VPS13A: variants seen among roughly 807,000 people sequenced by gnomAD.
VPS13A encodes vacuolar protein sorting 13 homolog A, also known as intermembrane lipid transfer protein VPS13A.
A neutral mutation model predicts 390.9 loss-of-function variants in VPS13A; 264 were observed. The ratio of observed to expected loss-of-function variants is 0.68; its 90% CI spans 0.61 to 0.75. The LOEUF is 0.75. Among genes scored for constraint, VPS13A ranks in the 30% least tolerant of loss-of-function variants. VPS13A has a pLI of 0.00. For synonymous variants in VPS13A, 1,231 were observed against 1,227.1 expected, an observed-to-expected ratio of 1.00 and a Z score of -0.07; for missense variants, 3,409 against 3,733.9, an observed-to-expected ratio of 0.91 and a Z score of 2.27.
At chr9:77,281,345 T>C (rs1827014562) in intron 27 of VPS13A, among the ~76,000 whole-genome samples, 1 of 152,174 alleles carries the variant, frequency 6.6e-6, no homozygotes, top group African/African-American at 2.4e-5. Context: ...ATATGTTAGT[T>C]AGCTTAATTT....
At position 77,314,056 on chromosome 9, in the gene VPS13A, A is replaced by T; in HGVS notation, c.4179A>T (p.Thr1393=). Residue 1393 remains threonine, a synonymous_variant, in exon 36 of 72, where the codon ACA becomes ACT. Coordinates refer to ENST00000360280, the MANE Select transcript of VPS13A (RefSeq NM_033305.3). The part of the protein sequence containing the change: ...VHSRALLVKT[T]LNISFKTDDL... ...CACGTGCCTTACTAGTTAAGACAAC[A>T]CTAAACATAAGCTTCAAAACTGATG... 6.2e-7 allele frequency: 1 copy of T among 1,613,474 alleles called. No individual in the cohort carries two copies. Among genetic ancestry groups the T allele is most frequent in the Non-Finnish European group, 8.5e-7 (1 of 1,179,618 alleles).
At chr9:77,183,674 A>G (rs774602515) in intron 1 of VPS13A, among the ~76,000 whole-genome samples, 2 of 152,220 alleles carry the variant, frequency 1.3e-5, no homozygotes, top group East Asian at 1.9e-4. Flanking sequence ...CAGTTTGGCA[A>G]TTTCTTAAAA....
intron 17 of VPS13A, 31 bp from the exon 18 acceptor site, chr9:77,237,971 C>A: frequency 6.7e-7 from 1 of 1,497,734 alleles, no homozygotes; most frequent in African/African-American, 1.4e-5. Context: ...TTTTACTGAT[C>A]GCTGACTTTT....
At chr9:77,230,182 A>T (rs1278106705) in intron 17 of VPS13A, among the ~76,000 whole-genome samples, 4 of 151,348 alleles carry the variant, frequency 2.6e-5, no homozygotes, top group African/African-American at 7.4e-5. Context: ...CTCTTATTAG[A>T]TAAACAATTT....
intron 1 of VPS13A, among the ~76,000 whole-genome samples, chr9:77,183,375 T>G (rs959874883): frequency 1.3e-5 from 2 of 152,194 alleles, no homozygotes; most frequent in Non-Finnish European, 2.9e-5. Context: ...CTTCTAACCC[T>G]CCTTGTCCCT....
chr9:77,370,927 C>T lies in VPS13A; in HGVS notation c.8945C>T (p.Pro2982Leu), dbSNP rs1159459647. 4 of 1,613,742 alleles carry T rather than the reference C, an allele frequency of 2.5e-6. No individual in the cohort carries two copies. The African/African-American group carries it at 5.3e-5, about 22-fold the overall frequency. ...GGCATAACAGGAATTGTTACAAAAC[C>T]AATCAAAGGCAAGTATAGTAGTTCC... ...VSGITGIVTK[P>L]IKGAQKGGAA... is the part of the protein sequence containing the mutation. Residue 2982 changes from proline to leucine, a missense_variant, in exon 66 of 72, where the codon CCA (proline) becomes CTA (leucine). By Grantham distance (98) the Pro-to-Leu change is moderately conservative (BLOSUM62 -3). This residue lies in a region of VPS13A where 318 missense variants were observed against 333.7 expected (regional missense o/e 0.95). Coordinates refer to ENST00000360280, the MANE Select transcript of VPS13A (RefSeq NM_033305.3).
chr9:77,247,257 A>G lies in VPS13A; in HGVS notation c.1901-2A>G. ...TCATAGAAAAGATTTACATTTTTCC[A>G]GGTCTACTGTATATTATTGAAACAC... On this transcript the variant is annotated splice_acceptor_variant, in intron 19 of 71. Coordinates refer to ENST00000360280, the MANE Select transcript of VPS13A (RefSeq NM_033305.3). LOFTEE classifies it high-confidence loss of function. 2 of 1,566,942 alleles carry G rather than the reference A, an allele frequency of 1.3e-6. No homozygotes were observed. The highest frequency in any genetic ancestry group is 1.7e-6 in the Non-Finnish European group (2 of 1,152,042).
intron 19 of VPS13A, among the ~76,000 whole-genome samples, chr9:77,245,959 A>G (rs1177923549): frequency 6.6e-6 from 1 of 152,196 alleles, no homozygotes; most frequent in Admixed American, 6.5e-5. Flanking sequence ...ATTACATGGC[A>G]AGAGAAAGGA....
chr9:77,271,782 C>A (rs1193707145), intron 23 of VPS13A, among the ~76,000 whole-genome samples: 1 of 152,048 alleles, frequency 6.6e-6, no homozygotes, highest in African/African-American at 2.4e-5. Context: ...CTAACAACTA[C>A]ATTATAAAAG....
rs145375503 is a variant in VPS13A, at chr9:77,341,262, G to A, written c.7026+712G>A. 8.5e-3 allele frequency among the ~76,000 whole-genome samples: 1,286 copies of A among 152,092 alleles called. 10 individuals carry two copies. Among genetic ancestry groups the A allele is most frequent in the South Asian group, 0.014 (67 of 4,820 alleles). On this transcript the variant is annotated intron_variant, in intron 50 of 71. Coordinates refer to ENST00000360280, the MANE Select transcript of VPS13A (RefSeq NM_033305.3). ...GATATAAACCCAGGCGTTCCAGGGG[G>A]CAACGGCAACCCCCTTTAGGTCCCC...
At position 77,247,995 on chromosome 9, in the gene VPS13A, GT is replaced by G. The variant is rs201668022; in HGVS notation, c.2037+601del. 8.5e-3 allele frequency among the ~76,000 whole-genome samples: 1,284 copies of G among 151,752 alleles called. 10 individuals are homozygous for G. Among genetic ancestry groups the G allele is most frequent in the South Asian group, 0.014 (67 of 4,802 alleles). On this transcript the variant is annotated intron_variant, in intron 20 of 71. Coordinates refer to ENST00000360280, the MANE Select transcript of VPS13A (RefSeq NM_033305.3). ...TTTATATTTGTAGTATTTGAGAGTTGTGCTTGAGAAGCTTATTTCTTTCTCA... is the reference window on the plus strand; with the variant it reads ...TTTATATTTGTAGTATTTGAGAGTTGGCTTGAGAAGCTTATTTCTTTCTCA...
chr9:77,275,396 A>G, intron 24 of VPS13A, 102 bp from the exon 25 acceptor site: 1 of 1,114,206 alleles, frequency 9.0e-7, no homozygotes, highest in Non-Finnish European at 1.3e-6. Context: ...TTGATATTTA[A>G]AAGAGAGCCT....
At chr9:77,329,352 C>G (rs1232070538) in intron 45 of VPS13A, among the ~76,000 whole-genome samples, 1 of 152,216 alleles carries the variant, frequency 6.6e-6, no homozygotes, top group East Asian at 1.9e-4. Flanking sequence ...TAGCCTATCT[C>G]TGGTTTTGAC....
At chr9:77,222,916 T>G (rs2131184762) in intron 13 of VPS13A, among the ~76,000 whole-genome samples, 1 of 152,338 alleles carries the variant, frequency 6.6e-6, no homozygotes, top group South Asian at 2.1e-4. Context: ...TCACCAAGTT[T>G]TGGCCAATCA....
chr9:77,384,429 A>G (rs1833594466), intron 68 of VPS13A, among the ~76,000 whole-genome samples: 1 of 151,938 alleles, frequency 6.6e-6, no homozygotes, highest in African/African-American at 2.4e-5. Context: ...AAGTTATGGA[A>G]TATTATATCC....
chr9:77,403,737 G>A lies in VPS13A; in HGVS notation c.9275+416G>A, dbSNP rs1834481421. ...ACTAGTAGAAGCAGATAAAATTTTAGGTGGATACTCCAGCGACTTCTTCAA... is the reference window on the plus strand; with the variant it reads ...ACTAGTAGAAGCAGATAAAATTTTAAGTGGATACTCCAGCGACTTCTTCAA... On this transcript the variant is annotated intron_variant, in intron 69 of 71. Coordinates refer to ENST00000360280, the MANE Select transcript of VPS13A (RefSeq NM_033305.3). Among the ~76,000 whole-genome samples the A allele has an allele frequency of 2.0e-5, 3 of 152,144 alleles. No individual in the cohort carries two copies. In the South Asian group the frequency reaches 6.2e-4, roughly 32 times the overall value.
chr9:77,280,144 A>T lies in VPS13A; in HGVS notation c.2825-15A>T, dbSNP rs370681843. The T allele has an allele frequency of 2.7e-4, 434 of 1,580,382 alleles. No homozygotes were observed. Among genetic ancestry groups the T allele is most frequent in the Non-Finnish European group, 3.5e-4 (401 of 1,154,788 alleles). ...CTTTCCGATGAAAAGATAATTTTTA[A>T]AAAATTATTTTTAGATGAAAACAAG... On this transcript the variant is annotated splice_polypyrimidine_tract_variant and intron_variant, in intron 26 of 71. Coordinates refer to ENST00000360280, the MANE Select transcript of VPS13A (RefSeq NM_033305.3).
At chr9:77,200,116 G>T in intron 2 of VPS13A, 128 bp downstream of exon 2, 3 of 858,642 alleles carry the variant, frequency 3.5e-6, no homozygotes, top group African/African-American at 3.4e-5. Flanking sequence ...TTTGCAAAAT[G>T]TAAATTTTGC....
intron 22 of VPS13A, among the ~76,000 whole-genome samples, chr9:77,253,490 A>G (rs1448861270): frequency 6.6e-6 from 1 of 152,012 alleles, no homozygotes; most frequent in African/African-American, 2.4e-5. Flanking sequence ...GGTTTTTGGT[A>G]GGGATGGGAT....
Sources: allele counts gnomAD v4.1 joint callset (sites outside exome capture counted in the v4.1 genomes callset), GRCh38; gene constraint gnomAD v4.1.1; regional missense constraint gnomAD v4.1.1; transcripts MANE v1.5; gene names NCBI Gene and HGNC (gene_info 2026-07-23, HGNC 2026-07-21).